TMEM267: variants seen among roughly 807,000 people sequenced by gnomAD.
The protein encoded by TMEM267 is transmembrane protein 267, also known as transmembrane protein C5orf28.
In TMEM267, 20 loss-of-function variants were observed where a neutral mutation model predicts 19.3. The observed-to-expected ratio is 1.04, with a 90% CI of 0.73 to 1.51. TMEM267 has a LOEUF of 1.51. Among genes scored for constraint, TMEM267 ranks in the 40% most tolerant of loss-of-function variants. TMEM267 has a pLI of 0.00. For missense variants in TMEM267, 242 were observed against 261.9 expected, an observed-to-expected ratio of 0.92 and a Z score of 0.52; for synonymous variants, 88 against 90.3, an observed-to-expected ratio of 0.97 and a Z score of 0.15.
At chr5:43,474,447 A>G (rs562417733) in intron 1 of TMEM267, among the ~76,000 whole-genome samples, 3 of 152,310 alleles carry the variant, frequency 2.0e-5, no homozygotes, top group African/African-American at 7.2e-5. Flanking sequence ...TGGGTGAAGG[A>G]TATGAACAGA....
intron 1 of TMEM267, among the ~76,000 whole-genome samples, chr5:43,466,638 A>G (rs1040203027): frequency 1.6e-4 from 25 of 152,312 alleles, no homozygotes; most frequent in African/African-American, 5.3e-4. Context: ...TGAAGTTAAA[A>G]CAGAGTTTTT....
At chr5:43,459,251 C>G (rs1743118592) in intron 1 of TMEM267, among the ~76,000 whole-genome samples, 1 of 151,922 alleles carries the variant, frequency 6.6e-6, no homozygotes, top group Non-Finnish European at 1.5e-5. Context: ...CAATCTCTAG[C>G]AGGAAGGGAG....
In TMEM267 at chr5:43,453,888, C is replaced by T. The variant is rs752601534; in HGVS notation, c.82G>A (p.Ala28Thr). 1 of 1,613,970 alleles carries T rather than the reference C, an allele frequency of 6.2e-7. No homozygotes were observed. The highest frequency in any genetic ancestry group is 8.5e-7 in the Non-Finnish European group (1 of 1,179,958). ...ESLISSLGLG[A>T]FCLVADRLLQ... ...AGTCTGTCAGCTACGAGGCAAAATG[C>T]CCCCAGACCAAGGCTGGAAATAAGA... The change falls in exon 2 of 3, where the codon GCA becomes ACA. Residue 28 changes from alanine (A) to threonine (T), a missense_variant. By Grantham distance (58) the Ala-to-Thr change is moderately conservative. Transcript: ENST00000397080.
chr5:43,468,649 C>T (rs1384752208), intron 1 of TMEM267, among the ~76,000 whole-genome samples: 1 of 152,156 alleles, frequency 6.6e-6, no homozygotes, highest in Non-Finnish European at 1.5e-5. Flanking sequence ...TCAACCTTGG[C>T]AAAATAAACT....
At chr5:43,463,569 C>T (rs1743414822) in intron 1 of TMEM267, among the ~76,000 whole-genome samples, 1 of 152,266 alleles carries the variant, frequency 6.6e-6, no homozygotes, top group Admixed American at 6.5e-5. Context: ...AATCCAGCAG[C>T]ACATCAAAAA....
intron 1 of TMEM267, among the ~76,000 whole-genome samples, chr5:43,457,372 T>C (rs1708299814): frequency 6.6e-6 from 1 of 152,206 alleles, no homozygotes; most frequent in Admixed American, 6.6e-5. Flanking sequence ...TGCATGGAAC[T>C]ACCTGAAACT....
intron 1 of TMEM267, among the ~76,000 whole-genome samples, chr5:43,461,141 A>T (rs1743233434): frequency 6.6e-6 from 1 of 152,160 alleles, no homozygotes; most frequent in Non-Finnish European, 1.5e-5. Flanking sequence ...GCCCCATTCC[A>T]GGCCCTAGTT....
At chr5:43,446,585 C>A in intron 2 of TMEM267, 28 bp from the exon 3 acceptor site, 1 of 1,453,830 alleles carries the variant, frequency 6.9e-7, no homozygotes. Flanking sequence ...TAGCGAGTAT[C>A]ATTTCCTTTC....
chr5:43,464,615 T>C (rs1193133490), intron 1 of TMEM267, among the ~76,000 whole-genome samples: 2 of 152,344 alleles, frequency 1.3e-5, no homozygotes, highest in South Asian at 2.1e-4. Flanking sequence ...GAGATATAGA[T>C]CAATGGAACA....
chr5:43,464,373 A>G (rs1484891575), intron 1 of TMEM267, among the ~76,000 whole-genome samples: 1 of 152,210 alleles, frequency 6.6e-6, no homozygotes, highest in Non-Finnish European at 1.5e-5. Flanking sequence ...GAAAATGGCC[A>G]TACTGCCCAA....
At position 43,445,846 on chromosome 5, in the gene TMEM267, T is replaced by G. The variant is rs1742205727; in HGVS notation, c.*376A>C. 6.5e-6 allele frequency: 1 copy of G among 153,972 alleles called. No individual in the cohort carries two copies. Among genetic ancestry groups the G allele is most frequent in the African/African-American group, 2.4e-5 (1 of 41,480 alleles). 9.5% of individuals were successfully genotyped at this position (153,972 alleles called of 1,614,324 possible). On this transcript the variant is annotated 3_prime_UTR_variant, in exon 3 of 3. Transcript: ENST00000397080. ...AAATATAATGTTAACTCTTTACAAA[T>G]TAGTTACCCTAAAATTTGAGCTGTT...
chr5:43,465,960 T>TA (rs1743636838), intron 1 of TMEM267, among the ~76,000 whole-genome samples: 1 of 83,786 alleles, frequency 1.2e-5, no homozygotes, highest in African/African-American at 1.1e-4. Flanking sequence ...ATAATAATAA[T>TA]AAAATTTAAA....
chr5:43,461,882 A>G (rs1743287599), intron 1 of TMEM267, among the ~76,000 whole-genome samples: 1 of 152,226 alleles, frequency 6.6e-6, no homozygotes, highest in Admixed American at 6.5e-5. Context: ...GAAAGGAAGG[A>G]CATAGGCCTG....
chr5:43,480,535 C>T (rs1744695954), intron 1 of TMEM267, among the ~76,000 whole-genome samples: 1 of 151,604 alleles, frequency 6.6e-6, no homozygotes, highest in Non-Finnish European at 1.5e-5. Context: ...GTTGTCCAGG[C>T]TGGTCTCAAA....
In TMEM267 at chr5:43,446,340, G is replaced by A. The variant is rs1470950915; in HGVS notation, c.530C>T (p.Pro177Leu). Residue 177 changes from proline to leucine, a missense_variant, in exon 3 of 3, where the codon CCA becomes CTA. Physicochemically the swap from Pro to Leu is moderately conservative, Grantham distance 98. Transcript: ENST00000397080. ...ICPFGKTSPL[P>L]FWLYVIITSS... ...TGTGATTATTACATAAAGCCAGAATGGCAAAGGAGAAGTTTTTCCAAATGG... is the reference window on the plus strand; with the variant it reads ...TGTGATTATTACATAAAGCCAGAATAGCAAAGGAGAAGTTTTTCCAAATGG... 1.9e-6 allele frequency: 3 copies of A among 1,613,758 alleles called. No individual in the cohort carries two copies. The highest frequency in any genetic ancestry group is 1.7e-5 in the Admixed American group (1 of 59,988).
chr5:43,462,880 T>C (rs1743358490), intron 1 of TMEM267, among the ~76,000 whole-genome samples: 1 of 151,920 alleles, frequency 6.6e-6, no homozygotes, highest in Non-Finnish European at 1.5e-5. Flanking sequence ...TTAAAACAAC[T>C]AGAAAAGCAA....
Position 43,450,356 on chromosome 5 carries a change from T to C in TMEM267, c.312+3302A>G, listed in dbSNP as rs192491318. 8.5e-5 allele frequency among the ~76,000 whole-genome samples: 13 copies of C among 152,296 alleles called. No homozygotes were observed. In the East Asian group the frequency reaches 2.1e-3, roughly 25 times the overall value. The stretch of plus-strand genomic sequence containing the variant: ...AGAAAATGGAATTATCATAGAATCA[T>C]AGAAGTAAAAATAGATCACTGTCAT... On this transcript the variant is annotated intron_variant, in intron 2 of 2. Transcript: ENST00000397080.
At chr5:43,473,751 A>G (rs1376964556) in intron 1 of TMEM267, among the ~76,000 whole-genome samples, 1 of 152,194 alleles carries the variant, frequency 6.6e-6, no homozygotes, top group Non-Finnish European at 1.5e-5. Context: ...ACAAAATTGG[A>G]AAAAACAACT....
intron 1 of TMEM267, among the ~76,000 whole-genome samples, chr5:43,465,552 C>A (rs4866743): frequency 0.49 from 73,931 of 152,032 alleles, 18,841 homozygotes; most frequent in Middle Eastern, 0.63. Context: ...GACTTGGAAC[C>A]AACCCAAATG....
Sources: gnomAD v4.1 joint callset for allele counts (sites outside exome capture counted in the v4.1 genomes callset) on GRCh38, gnomAD v4.1.1 for gene constraint, MANE v1.5 for transcripts, NCBI Gene and HGNC (gene_info 2026-07-23, HGNC 2026-07-21) for gene names.